The following PLXND1 variants were observed in gnomAD, a reference collection of about 807,000 sequenced individuals.
PLXND1 encodes the protein plexin-D1.
A neutral mutation model predicts 197.7 loss-of-function variants in PLXND1; 54 were observed. That is an observed-to-expected ratio of 0.27 (90% CI 0.22 to 0.34). The LOEUF (loss-of-function observed/expected upper bound fraction) is 0.34, where lower values mean the gene tolerates loss of function less well. PLXND1 is among the 10% of genes least tolerant of loss of function. PLXND1 has a pLI of 1.00. For missense variants in PLXND1, 2,127 were observed against 2,699.2 expected (o/e 0.79, Z 4.70); for synonymous variants, 1,180 against 1,161.2 (o/e 1.02, Z -0.33).
chr3:129,590,092 C>T (rs1288095668), intron 1 of PLXND1, among the ~76,000 whole-genome samples: 1 of 152,190 alleles, frequency 6.6e-6, no homozygotes, highest in Non-Finnish European at 1.5e-5. Context: ...CAGCAGCTTG[C>T]AAGACTCCAG....
chr3:129,571,828 T>C lies in PLXND1; in HGVS notation c.3094A>G (p.Ile1032Val), dbSNP rs760717763. 1.2e-6 allele frequency: 2 copies of C among 1,612,328 alleles called. No individual in the cohort carries two copies. The highest frequency in any genetic ancestry group is 1.3e-5 in the African/African-American group (1 of 74,890). Residue 1032 changes from isoleucine to valine, a missense_variant, in exon 16 of 36, where the codon ATC (isoleucine) becomes GTC (valine). Around this residue, in one of 6 missense-constraint regions of PLXND1, gnomAD observed 1,095 missense variants for 1,259.8 expected, o/e 0.87. Transcript: ENST00000324093. ...CTELMRTDTS[I>V]ACTMPEGALP... ...GCCCCCTCAGGCATGGTGCAGGCGA[T>C]GCTGGTATCTGTGCGCCTGGGGGGA...
intron 20 of PLXND1, among the ~76,000 whole-genome samples, chr3:129,568,780 C>A (rs1285467820): frequency 3.3e-5 from 5 of 152,206 alleles, no homozygotes; most frequent in African/African-American, 1.2e-4. Flanking sequence ...AACTCCTGGG[C>A]TCAAGTGAGC....
At position 129,577,964 on chromosome 3, in the gene PLXND1, G is replaced by GA. The variant is rs1460570651; in HGVS notation, c.2346+364_2346+365insT. 3.3e-5 allele frequency among the ~76,000 whole-genome samples: 5 copies of GA among 152,190 alleles called. No homozygotes were observed. The highest frequency in any genetic ancestry group is 6.5e-5 in the Admixed American group (1 of 15,286). On this transcript the variant is annotated intron_variant, in intron 9 of 35. Transcript: ENST00000324093. This position sits in a 1 kb window ranked among gnomAD's most constrained non-coding sequence, Gnocchi z 5.0. ...GGGGCAGTGGGCTCGGCGGTGGGTGGGTGTGTCCAGGGTCACAGCTCAGGC... is the reference window on the plus strand; with the variant it reads ...GGGGCAGTGGGCTCGGCGGTGGGTGGAGTGTGTCCAGGGTCACAGCTCAGGC...
At chr3:129,594,071 G>A (rs947098751) in intron 1 of PLXND1, among the ~76,000 whole-genome samples, 6 of 152,208 alleles carry the variant, frequency 3.9e-5, no homozygotes, top group East Asian at 1.9e-4. Flanking sequence ...CAGACCCACC[G>A]CAGGTGGCAC....
intron 23 of PLXND1, 197 bp from the exon 24 acceptor site, chr3:129,566,214 AG>A: frequency 6.4e-6 from 4 of 624,978 alleles, no homozygotes; most frequent in Non-Finnish European, 1.1e-5. Flanking sequence ...GAGAAGGGTA[AG>A]GGTGCCTGGA....
At position 129,589,210 on chromosome 3, in the gene PLXND1, C is replaced by A. The variant is rs567337003; in HGVS notation, c.1488+141G>T. ...ACAGACTTGCAAAATACTTTGTAAA[C>A]TGTAAAGTGCTAGGCGAATGGGAGA... On this transcript the variant is annotated intron_variant, in intron 2 of 35. Transcript: ENST00000324093. The A allele has an allele frequency of 7.7e-5, 53 of 685,646 alleles. 1 individual carries two copies. The South Asian group carries it at 1.0e-3, about 13-fold the overall frequency. 42.5% of individuals were successfully genotyped at this position (685,646 alleles called of 1,614,324 possible).
intron 20 of PLXND1, chr3:129,569,101 G>A (rs1316183053): frequency 6.6e-6 from 1 of 152,212 alleles, no homozygotes; most frequent in Non-Finnish European, 1.5e-5. Context: ...TTGTCAAGGT[G>A]CCTGCCCATG....
rs2085429287 is a variant in PLXND1, at chr3:129,584,373, C to T, written c.2029+12G>A. 1.9e-6 allele frequency: 3 copies of T among 1,610,338 alleles called. No homozygotes were observed. The highest frequency in any genetic ancestry group is 1.7e-6 in the Non-Finnish European group (2 of 1,178,242). On this transcript the variant is annotated intron_variant, in intron 6 of 35. Transcript: ENST00000324093. ...CCCCTCTGGGGCTGTGCCAACAGCA[C>T]AGCGTGCTTACCCTGGTTGGGGGGG...
At position 129,578,745 on chromosome 3, in the gene PLXND1, A is replaced by T. The variant is rs2085348508; in HGVS notation, c.2242-312T>A. 2.0e-5 allele frequency among the ~76,000 whole-genome samples: 3 copies of T among 151,702 alleles called. No individual in the cohort carries two copies. In the South Asian group the frequency reaches 6.3e-4, roughly 32 times the overall value. ...GCCTCAGACGAGGCTGGGAGGCTGAACTCCAGGCCCAGCTCCTCCCTGTCT... is the reference window on the plus strand; with the variant it reads ...GCCTCAGACGAGGCTGGGAGGCTGATCTCCAGGCCCAGCTCCTCCCTGTCT... On this transcript the variant is annotated intron_variant, in intron 8 of 35. Transcript: ENST00000324093.
rs777714473 is a variant in PLXND1 at position 129,569,898 on chromosome 3, C to T, written c.3810G>A (p.Thr1270=). The T allele has an allele frequency of 9.9e-6, 16 of 1,613,346 alleles. No homozygotes were observed. The highest frequency in any genetic ancestry group is 6.7e-5 in the African/African-American group (5 of 74,908). The stretch of plus-strand genomic sequence containing the variant: ...AGATGACGATGGACACGATGATGGC[C>T]GTCTCGCTGCCCCCCAGCTGCAGTG... The part of the protein sequence containing the change: ...IATLQLGGSE[T]AIIVSIVICS... The change falls in exon 20 of 36, where the codon ACG becomes ACA. Residue 1270 remains threonine, a synonymous_variant. Transcript: ENST00000324093.
intron 2 of PLXND1, among the ~76,000 whole-genome samples, chr3:129,588,172 A>G (rs2811457): frequency 0.98 from 149,602 of 152,344 alleles, 73,514 homozygotes; most frequent in East Asian, 1. Context: ...GGTGTGGGCT[A>G]TGGGCCAGCT....
At position 129,555,438 on chromosome 3, in the gene PLXND1, A is replaced by G. The variant is rs1372000039; in HGVS notation, c.*874T>C. ...GGTCTGCCCGCTCTCTGGAACAGTC[A>G]TTTCCAGTGTTGCATGGGGAGCCTC... On this transcript the variant is annotated 3_prime_UTR_variant, in exon 36 of 36. Transcript: ENST00000324093. 14 of 668,042 alleles carry G rather than the reference A, an allele frequency of 2.1e-5. No individual in the cohort carries two copies. Among genetic ancestry groups the G allele is most frequent in the African/African-American group, 3.7e-5 (2 of 54,380 alleles). 41.4% of individuals were successfully genotyped at this position (668,042 alleles called of 1,614,324 possible). A position where few individuals can be genotyped will look rare whatever the true frequency, so the allele number is the denominator to read the frequency against.
chr3:129,567,748 A>G lies in PLXND1; in HGVS notation c.3923T>C (p.Leu1308Pro). The G allele has an allele frequency of 6.2e-7, 1 of 1,613,674 alleles. No individual in the cohort carries two copies. Among genetic ancestry groups the G allele is most frequent in the Non-Finnish European group, 8.5e-7 (1 of 1,179,594 alleles). Residue 1308 changes from leucine (L) to proline (P), a missense_variant, in exon 21 of 36, where the codon CTG (leucine) becomes CCG (proline). Coordinates refer to ENST00000324093, the MANE Select transcript of PLXND1 (RefSeq NM_015103.3). ...RRAERYWQKT[L>P]LQMEEMESQI... The stretch of plus-strand genomic sequence containing the variant: ...AGATTCCATCTCCTCCATCTGCAGC[A>G]GCGTCTTCTGCCAGTAACGCTCAGC...
At chr3:129,570,713 GA>G in intron 19 of PLXND1, 72 bp downstream of exon 19, 3 of 1,443,254 alleles carry the variant, frequency 2.1e-6, no homozygotes. Context: ...GGTGCTGGGT[GA>G]GGGGCAGATG....
chr3:129,603,430 C>T (rs1187677804), intron 1 of PLXND1, among the ~76,000 whole-genome samples: 2 of 152,156 alleles, frequency 1.3e-5, no homozygotes, highest in African/African-American at 2.4e-5. Flanking sequence ...ACCAAAGGGC[C>T]GAGACACAGG....
chr3:129,584,160 G>A lies in PLXND1; in HGVS notation c.2103C>T (p.Asp701=), dbSNP rs1468822515. The change falls in exon 7 of 36, where the codon GAC becomes GAT. Residue 701 remains aspartate (D), a synonymous_variant. Transcript: ENST00000324093. Reference sequence around the variant, plus strand: ...GGTACACTTGTGCAGTGCGGCTGCAGTCGTAGATGGTGAAATTGGCCTTGA... The same window carrying A: ...GGTACACTTGTGCAGTGCGGCTGCAATCGTAGATGGTGAAATTGGCCTTGA... ...NIVKANFTIY[D]CSRTAQVYPH... The A allele has an allele frequency of 1.3e-6, 2 of 1,571,624 alleles. No individual in the cohort carries two copies. The highest frequency in any genetic ancestry group is 2.3e-5 in the South Asian group (2 of 85,808).
intron 1 of PLXND1, among the ~76,000 whole-genome samples, chr3:129,603,066 C>G (rs2085733278): frequency 6.6e-6 from 1 of 152,238 alleles, no homozygotes; most frequent in African/African-American, 2.4e-5. Flanking sequence ...CCTGCCCATG[C>G]TAGAGGCCCA....
chr3:129,575,597 G>C (rs2085301539), intron 10 of PLXND1, 35 bp from the exon 11 acceptor site: 1 of 1,465,438 alleles, frequency 6.8e-7, no homozygotes, highest in Admixed American at 2.0e-5. Context: ...AGGGGGCATG[G>C]GCAATGCCTG....
intron 35 of PLXND1, 50 bp from the exon 36 acceptor site, chr3:129,556,478 A>C (rs760664343): frequency 1.9e-5 from 28 of 1,471,082 alleles, no homozygotes; most frequent in Non-Finnish European, 2.6e-5. Context: ...GCCCTGCCTC[A>C]GTTCGTGGGA....
Sources: gnomAD v4.1 joint callset for allele counts (sites outside exome capture counted in the v4.1 genomes callset) on GRCh38, gnomAD v4.1.1 for gene constraint, gnomAD v4.1.1 regional missense constraint, Gnocchi (gnomAD v3.1) non-coding constraint, MANE v1.5 for transcripts, NCBI Gene and HGNC (gene_info 2026-07-23, HGNC 2026-07-21) for gene names.